The following SLA2 variants were observed in gnomAD, a reference collection of about 807,000 sequenced individuals.
SLA2 encodes Src like adaptor 2.
SLA2 carries 22 observed loss-of-function variants against 27.3 expected under a neutral mutation model. The observed-to-expected ratio is 0.81, with a 90% CI of 0.58 to 1.15. The LOEUF (loss-of-function observed/expected upper bound fraction) is 1.15. SLA2 is among the 50% of genes most tolerant of loss of function. The probability of loss-of-function intolerance (pLI) is 0.00; values close to 1 mark genes in which losing one functional copy is unlikely to be tolerated. For missense variants in SLA2, 304 were observed against 322.2 expected, an observed-to-expected ratio of 0.94 and a Z score of 0.43; for synonymous variants, 131 against 137.8, an observed-to-expected ratio of 0.95 and a Z score of 0.34.
intron 1 of SLA2, among the ~76,000 whole-genome samples, chr20:36,642,862 G>C (rs1978284880): frequency 6.6e-6 from 1 of 151,984 alleles, no homozygotes; most frequent in Non-Finnish European, 1.5e-5. Flanking sequence ...TGGGATTACA[G>C]GCATGAGCCA....
chr20:36,643,853 G>A (rs1978285574), intron 1 of SLA2, among the ~76,000 whole-genome samples: 2 of 152,114 alleles, frequency 1.3e-5, no homozygotes, highest in Non-Finnish European at 1.5e-5. Flanking sequence ...TCGGGAGACC[G>A]AGGCAAAAGA....
intron 5 of SLA2, among the ~76,000 whole-genome samples, chr20:36,623,093 AC>A (rs1014539069): frequency 6.6e-6 from 1 of 151,928 alleles, no homozygotes; most frequent in Non-Finnish European, 1.5e-5. Context: ...ACATGGTGAA[AC>A]CCCCATCTCT....
Position 36,613,813 on chromosome 20 carries a change from A to G in SLA2, c.*53T>C. ...GCCTCTGGGGTGCCCAGGAGGCTGA[A>G]TTGGGGTTCTAGGTGTGCAGCCTTG... On this transcript the variant is annotated 3_prime_UTR_variant, in exon 8 of 8. Transcript: ENST00000262866. 1.5e-6 allele frequency: 2 copies of G among 1,377,818 alleles called. No individual in the cohort carries two copies. The highest frequency in any genetic ancestry group is 3.8e-5 in the East Asian group (1 of 26,642). The allele number at this position is 1,377,818 out of a possible 1,614,324, so 85.3% of individuals were successfully genotyped here.
In SLA2 at chr20:36,644,596, A is replaced by G. The variant is rs188527560; in HGVS notation, c.-44+1241T>C. Among the ~76,000 whole-genome samples, 240 of 152,324 alleles carry G rather than the reference A, an allele frequency of 1.6e-3. 2 individuals are homozygous for G. The highest frequency in any genetic ancestry group is 2.5e-3 in the Admixed American group (39 of 15,296). ...TGTACTCAGGCTGAAAGCCTCCCCA[A>G]AGTCTCTGCAGCTCCCTTCACCTGG... On this transcript the variant is annotated intron_variant, in intron 1 of 7. Coordinates refer to ENST00000262866, the MANE Select transcript of SLA2 (RefSeq NM_032214.4).
At chr20:36,626,178 G>A (rs2039335081) in intron 5 of SLA2, among the ~76,000 whole-genome samples, 1 of 152,118 alleles carries the variant, frequency 6.6e-6, no homozygotes, top group Admixed American at 6.6e-5. Flanking sequence ...TAGATCACAA[G>A]GTCAAGAGAT....
chr20:36,615,346 GCTGAGGCGGACTGACAGAGAGTAAGAGC>G lies in SLA2; in HGVS notation c.383_410del (p.Gly128AlafsTer72). On this transcript the variant is annotated frameshift_variant and splice_region_variant, in exon 6 of 8. Transcript: ENST00000262866. LOFTEE classifies it high-confidence loss of function. ...TGATCCGGTCCCAGGATGCAGGGCG[GCTGAGGCGGACTGACAGAGAGTAAGAGC>G]CTGAGGAGAAAGGGGTCCAGGGGTG... 6.2e-7 allele frequency: 1 copy of G among 1,613,984 alleles called. No individual in the cohort carries two copies. The highest frequency in any genetic ancestry group is 8.5e-7 in the Non-Finnish European group (1 of 1,180,050).
At chr20:36,630,531 G>A (rs1377010787) in intron 5 of SLA2, among the ~76,000 whole-genome samples, 2 of 152,196 alleles carry the variant, frequency 1.3e-5, no homozygotes, top group Non-Finnish European at 2.9e-5. Context: ...TGGGGGCCTG[G>A]AGTGAGAGGA....
chr20:36,627,900 G>T (rs970241889), intron 5 of SLA2, among the ~76,000 whole-genome samples: 1 of 152,182 alleles, frequency 6.6e-6, no homozygotes, highest in East Asian at 1.9e-4. Context: ...CTTGAAGCTC[G>T]TGTGGAATCA....
In SLA2 at chr20:36,621,921, C is replaced by G. The variant is rs570324819; in HGVS notation, c.383-6547G>C. On this transcript the variant is annotated intron_variant, in intron 5 of 7. Coordinates refer to ENST00000262866, the MANE Select transcript of SLA2 (RefSeq NM_032214.4). ...GTCCCAGCTACTCCAGAGGCTGAGG[C>G]AGGAGAATCGTTTGAGCCTGTGACG... Among the ~76,000 whole-genome samples, 55 of 152,064 alleles carry G rather than the reference C, an allele frequency of 3.6e-4. No homozygotes were observed. The Middle Eastern group carries it at 0.01, about 28-fold the overall frequency.
intron 1 of SLA2, among the ~76,000 whole-genome samples, chr20:36,642,874 C>T (rs925952632): frequency 7.2e-5 from 11 of 151,922 alleles, no homozygotes; most frequent in African/African-American, 1.9e-4. Flanking sequence ...CATGAGCCAC[C>T]GCACCCGGTC....
intron 5 of SLA2, among the ~76,000 whole-genome samples, chr20:36,624,381 A>ACTC (rs1391003370): frequency 6.6e-6 from 1 of 152,056 alleles, no homozygotes; most frequent in African/African-American, 2.4e-5. Flanking sequence ...TGAGGCCTGT[A>ACTC]CTCACACTCA....
chr20:36,644,521 C>T (rs924302639), intron 1 of SLA2, among the ~76,000 whole-genome samples: 2 of 152,196 alleles, frequency 1.3e-5, no homozygotes, highest in South Asian at 4.1e-4. Context: ...TCCTTCCTGC[C>T]GCAGGTGGAG....
At chr20:36,626,401 A>AAC (rs202019044) in intron 5 of SLA2, among the ~76,000 whole-genome samples, 3 of 151,342 alleles carry the variant, frequency 2.0e-5, no homozygotes, top group Admixed American at 1.3e-4. Flanking sequence ...AAAAAAAAAA[A>AAC]ACACACACAA....
chr20:36,639,918 C>T (rs1382800283), intron 2 of SLA2, among the ~76,000 whole-genome samples: 1 of 151,868 alleles, frequency 6.6e-6, no homozygotes, highest in African/African-American at 2.4e-5. Flanking sequence ...GTTCAACTGT[C>T]CAAGAAACTG....
At chr20:36,633,188 C>T (rs2039409618) in intron 4 of SLA2, among the ~76,000 whole-genome samples, 1 of 152,196 alleles carries the variant, frequency 6.6e-6, no homozygotes, top group Admixed American at 6.5e-5. Flanking sequence ...CCTCCCACCT[C>T]AGCCTCCCTA....
In SLA2 at chr20:36,620,849, C is replaced by G. The variant is rs989471828; in HGVS notation, c.383-5475G>C. On this transcript the variant is annotated intron_variant, in intron 5 of 7. Coordinates refer to ENST00000262866, the MANE Select transcript of SLA2 (RefSeq NM_032214.4). ...TCCCAAAGTGCTGGGATTACAGGTG[C>G]GAGCCACCACGCCCAGCCAGAAATA... 1.5e-5 allele frequency: 3 copies of G among 201,720 alleles called. No individual in the cohort carries two copies. In the South Asian group the frequency reaches 2.4e-4, roughly 16 times the overall value. 12.5% of individuals were successfully genotyped at this position (201,720 alleles called of 1,614,324 possible).
intron 5 of SLA2, 29 bp downstream of exon 5, chr20:36,632,566 G>A (rs1414731063): frequency 6.4e-7 from 1 of 1,567,178 alleles, no homozygotes; most frequent in East Asian, 2.2e-5. Context: ...CACGTAGGGA[G>A]GGCCTGGGCT....
At position 36,646,185 on chromosome 20, in the gene SLA2, C is replaced by T. The variant is rs1978287964; in HGVS notation, c.-392G>A. 1 of 152,254 alleles carries T rather than the reference C, an allele frequency of 6.6e-6. No individual in the cohort carries two copies. Among genetic ancestry groups the T allele is most frequent in the Non-Finnish European group, 1.5e-5 (1 of 68,074 alleles). 9.4% of individuals were successfully genotyped at this position (152,254 alleles called of 1,614,324 possible). On this transcript the variant is annotated 5_prime_UTR_variant, in exon 1 of 8. Coordinates refer to ENST00000262866, the MANE Select transcript of SLA2 (RefSeq NM_032214.4). ...ACACAGGCGTGGGGTCCTTGGAGCT[C>T]TAGCTCCGACTGCAGACTCTGTGGT...
intron 2 of SLA2, 25 bp downstream of exon 2, chr20:36,641,220 G>C (rs1425804075): frequency 1.3e-6 from 2 of 1,595,058 alleles, no homozygotes; most frequent in Admixed American, 3.3e-5. Context: ...GGAAGAGCCT[G>C]GCTGTCACAG....
Sources: gnomAD v4.1 joint callset for allele counts (sites outside exome capture counted in the v4.1 genomes callset) on GRCh38, gnomAD v4.1.1 for gene constraint, MANE v1.5 for transcripts, NCBI Gene and HGNC (gene_info 2026-07-23, HGNC 2026-07-21) for gene names.